The following CXCL13 variants were observed in gnomAD, a reference collection of about 807,000 sequenced individuals.
The protein encoded by CXCL13 is C-X-C motif chemokine 13.
Under a neutral mutation model 12.2 loss-of-function variants are expected in CXCL13, and 7 were observed. The observed-to-expected ratio is 0.57, with a 90% CI of 0.33 to 1.07. The LOEUF (loss-of-function observed/expected upper bound fraction) is 1.07, where lower values mean the gene tolerates loss of function less well. Ranked by LOEUF, CXCL13 falls within the 50% of genes least tolerant of loss-of-function variation. CXCL13 has a pLI of 0.04. For synonymous variants in CXCL13, 47 were observed against 42.4 expected (o/e 1.11, Z -0.42); for missense variants, 113 against 127.4 (o/e 0.89, Z 0.55).
At chr4:77,543,650 G>T (rs974913106) in intron 1 of CXCL13, among the ~76,000 whole-genome samples, 1 of 151,978 alleles carries the variant, frequency 6.6e-6, no homozygotes, top group South Asian at 2.1e-4. Context: ...TAATTTTCAT[G>T]TAATTGTGTG....
chr4:77,537,992 C>A (rs927730631), intron 1 of CXCL13, among the ~76,000 whole-genome samples: 2 of 152,160 alleles, frequency 1.3e-5, no homozygotes, highest in Admixed American at 6.5e-5. Flanking sequence ...AAAGTTAGAG[C>A]CATCTCTGCC....
chr4:77,589,072 C>A (rs1438693874), intron 1 of CXCL13, among the ~76,000 whole-genome samples: 1 of 152,202 alleles, frequency 6.6e-6, no homozygotes, highest in Admixed American at 6.5e-5. Context: ...CTTACAAGAG[C>A]CTTCCTTTGA....
intron 1 of CXCL13, among the ~76,000 whole-genome samples, chr4:77,521,243 G>A (rs1167662335): frequency 6.6e-6 from 1 of 152,166 alleles, no homozygotes; most frequent in African/African-American, 2.4e-5. Context: ...AATGAGTTAG[G>A]GAGGACTCCC....
chr4:77,606,255 A>G (rs1176710816), intron 1 of CXCL13, among the ~76,000 whole-genome samples: 4 of 152,120 alleles, frequency 2.6e-5, no homozygotes, highest in Admixed American at 1.3e-4. Flanking sequence ...CTGCCTCTCA[A>G]TGTTACCCAC....
intron 1 of CXCL13, among the ~76,000 whole-genome samples, chr4:77,548,807 T>C (rs11727427): frequency 0.2 from 30,077 of 152,112 alleles, 3,689 homozygotes; most frequent in Non-Finnish European, 0.28. Flanking sequence ...CTGACAATTA[T>C]GTGTCTTGGA....
chr4:77,548,271 C>T (rs1725424698), intron 1 of CXCL13, among the ~76,000 whole-genome samples: 1 of 152,164 alleles, frequency 6.6e-6, no homozygotes, highest in Admixed American at 6.5e-5. Context: ...TCTCCTGCGG[C>T]CTAAACAGTA....
intron 1 of CXCL13, among the ~76,000 whole-genome samples, chr4:77,584,597 G>A (rs1047576575): frequency 2.6e-5 from 4 of 152,192 alleles, no homozygotes; most frequent in African/African-American, 9.7e-5. Context: ...GGAGACACTG[G>A]ATAGAAGCCA....
chr4:77,547,966 G>T (rs1300668027), intron 1 of CXCL13, among the ~76,000 whole-genome samples: 1 of 152,042 alleles, frequency 6.6e-6, no homozygotes, highest in African/African-American at 2.4e-5. Context: ...TGTCTGTACA[G>T]GATTTTATAT....
intron 1 of CXCL13, among the ~76,000 whole-genome samples, chr4:77,549,749 G>A (rs1725460974): frequency 6.6e-6 from 1 of 152,204 alleles, no homozygotes; most frequent in Non-Finnish European, 1.5e-5. Flanking sequence ...TGAGGTGTCA[G>A]TCAGTCCCTA....
chr4:77,557,402 T>C (rs1278893808), intron 1 of CXCL13, among the ~76,000 whole-genome samples: 1 of 152,212 alleles, frequency 6.6e-6, no homozygotes, highest in Admixed American at 6.5e-5. Context: ...CTCTGGAAAC[T>C]GGACAATGGA....
chr4:77,590,416 T>G (rs998057578), intron 1 of CXCL13, among the ~76,000 whole-genome samples: 4 of 152,244 alleles, frequency 2.6e-5, no homozygotes, highest in African/African-American at 9.6e-5. Context: ...AGTTTGATAT[T>G]CCAGTTCTTT....
At chr4:77,568,831 T>C (rs899198067) in intron 1 of CXCL13, among the ~76,000 whole-genome samples, 4 of 152,192 alleles carry the variant, frequency 2.6e-5, no homozygotes, top group African/African-American at 9.7e-5. Context: ...GAATCTTAGT[T>C]TTGCCTTTCC....
chr4:77,608,223 CTGAGGTCAGGAGTTCGAGACCAG>C (rs1215743391), intron 2 of CXCL13, among the ~76,000 whole-genome samples: 1 of 152,040 alleles, frequency 6.6e-6, no homozygotes, highest in Non-Finnish European at 1.5e-5. Flanking sequence ...GGCGGATCAC[CTGAGGTCAGGAGTTCGAGACCAG>C]CCTGACCAAC....
chr4:77,556,630 A>G (rs757945140), intron 1 of CXCL13, among the ~76,000 whole-genome samples: 19 of 152,220 alleles, frequency 1.2e-4, no homozygotes, highest in Non-Finnish European at 2.9e-5. Context: ...TATCATTGTG[A>G]TAATCTTACA....
At chr4:77,610,106 G>A (rs182953018) in intron 2 of CXCL13, among the ~76,000 whole-genome samples, 205 of 152,182 alleles carry the variant, frequency 1.3e-3, no homozygotes, top group African/African-American at 4.6e-3. Context: ...GTGGTAATTC[G>A]ACAAAATGCA....
intron 1 of CXCL13, among the ~76,000 whole-genome samples, chr4:77,597,726 A>G (rs1237977764): frequency 6.6e-6 from 1 of 152,170 alleles, no homozygotes; most frequent in Non-Finnish European, 1.5e-5. Flanking sequence ...GTGGAAGTGC[A>G]CAAATGGCTC....
intron 1 of CXCL13, among the ~76,000 whole-genome samples, chr4:77,537,406 T>C (rs1725085614): frequency 6.6e-6 from 1 of 152,154 alleles, no homozygotes; most frequent in Non-Finnish European, 1.5e-5. Flanking sequence ...CTCCAGCTTG[T>C]TGTCAGAGCT....
intron 1 of CXCL13, among the ~76,000 whole-genome samples, chr4:77,595,209 G>C (rs1726719991): frequency 6.6e-6 from 1 of 151,506 alleles, no homozygotes; most frequent in East Asian, 1.9e-4. Context: ...CGCTGTTTTT[G>C]AGTTATCTTC....
chr4:77,559,705 G>T (rs1253129268), intron 1 of CXCL13, among the ~76,000 whole-genome samples: 2 of 151,990 alleles, frequency 1.3e-5, no homozygotes, highest in Non-Finnish European at 2.9e-5. Flanking sequence ...GGCAGATCAC[G>T]AGGTCAGGAG....
Sources: allele counts gnomAD v4.1 joint callset (sites outside exome capture counted in the v4.1 genomes callset), GRCh38; gene constraint gnomAD v4.1.1; transcripts MANE v1.5; gene names NCBI Gene and HGNC (gene_info 2026-07-23, HGNC 2026-07-21).